GNA13: variants seen among roughly 807,000 people sequenced by gnomAD.
The protein encoded by GNA13 is G protein subunit alpha 13.
A neutral mutation model predicts 33.5 loss-of-function variants in GNA13; 4 were observed. That is an observed-to-expected ratio of 0.12 (90% CI 0.06 to 0.27). The LOEUF is 0.27. Among genes scored for constraint, GNA13 ranks in the 10% least tolerant of loss-of-function variants. The pLI, the probability that GNA13 is intolerant of heterozygous loss-of-function variation, is 1.00. For synonymous variants in GNA13, 176 were observed against 183.8 expected (o/e 0.96, Z 0.34); for missense variants, 319 against 487.2 (o/e 0.65, Z 3.25).
chr17:65,053,342 G>C, intron 2 of GNA13, 160 bp downstream of exon 2: 1 of 605,302 alleles, frequency 1.7e-6, no homozygotes, highest in Non-Finnish European at 2.9e-6. Context: ...TTAGAGACTA[G>C]GACACATTAG....
chr17:65,011,953 A>C lies in GNA13; in HGVS notation c.*2304T>G, dbSNP rs1906202679. ...AATGTGGACTGAAGCCTTTAGATTGAACTTAAAGTTCTACTGAATGTCAAA... is the reference window on the plus strand; with the variant it reads ...AATGTGGACTGAAGCCTTTAGATTGCACTTAAAGTTCTACTGAATGTCAAA... On this transcript the variant is annotated 3_prime_UTR_variant, in exon 4 of 4. Transcript: ENST00000439174. The C allele has an allele frequency of 4.4e-6, 1 of 226,258 alleles. No individual in the cohort carries two copies. Among genetic ancestry groups the C allele is most frequent in the Non-Finnish European group, 8.8e-6 (1 of 113,816 alleles). 14.0% of individuals were successfully genotyped at this position (226,258 alleles called of 1,614,324 possible).
intron 2 of GNA13, among the ~76,000 whole-genome samples, chr17:65,031,937 T>A (rs934224132): frequency 1.7e-4 from 24 of 142,748 alleles, no homozygotes; most frequent in African/African-American, 6.7e-4. Flanking sequence ...TGTGTGTGTG[T>A]GTGTGTGTGT....
intron 2 of GNA13, among the ~76,000 whole-genome samples, chr17:65,029,637 T>C (rs1160929918): frequency 6.6e-6 from 1 of 152,188 alleles, no homozygotes; most frequent in Non-Finnish European, 1.5e-5. Context: ...ATACCACTCA[T>C]GGCACTTCTT....
At chr17:65,045,306 G>A (rs1356121251) in intron 2 of GNA13, among the ~76,000 whole-genome samples, 1 of 151,986 alleles carries the variant, frequency 6.6e-6, no homozygotes, top group Non-Finnish European at 1.5e-5. Flanking sequence ...GATTACCTGA[G>A]GTCAGGAGTT....
chr17:65,042,352 C>T (rs571073778), intron 2 of GNA13, among the ~76,000 whole-genome samples: 9 of 139,452 alleles, frequency 6.5e-5, no homozygotes, highest in African/African-American at 1.1e-4. Flanking sequence ...AGTGAAACTC[C>T]GTCTCAAAAA....
chr17:65,041,630 AG>A (rs1254262606), intron 2 of GNA13, among the ~76,000 whole-genome samples: 1 of 152,174 alleles, frequency 6.6e-6, no homozygotes, highest in East Asian at 1.9e-4. Flanking sequence ...AATGACAGAA[AG>A]GGAAAGAGTA....
At chr17:65,051,194 C>T (rs79085390) in intron 2 of GNA13, among the ~76,000 whole-genome samples, 387 of 152,226 alleles carry the variant, frequency 2.5e-3, no homozygotes, top group Non-Finnish European at 4.6e-3. Flanking sequence ...GCACTGTATG[C>T]TTATTACAGA....
At chr17:65,041,565 A>G (rs1907455001) in intron 2 of GNA13, among the ~76,000 whole-genome samples, 3 of 152,306 alleles carry the variant, frequency 2.0e-5, no homozygotes, top group South Asian at 4.1e-4. Flanking sequence ...ATGAAGCTCT[A>G]ACACCCTCTT....
chr17:65,053,745 G>C lies in GNA13; in HGVS notation c.284-17C>G. 2 of 1,469,158 alleles carry C rather than the reference G, an allele frequency of 1.4e-6. No homozygotes were observed. The highest frequency in any genetic ancestry group is 1.9e-6 in the Non-Finnish European group (2 of 1,058,886). 91.0% of individuals were successfully genotyped at this position (1,469,158 alleles called of 1,614,324 possible). A position where few individuals can be genotyped will look rare whatever the true frequency, so the allele number is the denominator to read the frequency against. Reference sequence around the variant, plus strand: ...CCCTCATACCTTTGTTTAAAAAGAAGAAAAAAAATGTATGGAGAGGAGTCA... The same window carrying C: ...CCCTCATACCTTTGTTTAAAAAGAACAAAAAAAATGTATGGAGAGGAGTCA... On this transcript the variant is annotated splice_polypyrimidine_tract_variant and intron_variant, in intron 1 of 3. Transcript: ENST00000439174.
At position 65,012,398 on chromosome 17, in the gene GNA13, A is replaced by G; in HGVS notation, c.*1859T>C. 4.5e-6 allele frequency: 1 copy of G among 222,290 alleles called. No homozygotes were observed. Among genetic ancestry groups the G allele is most frequent in the Non-Finnish European group, 9.0e-6 (1 of 111,306 alleles). 13.8% of individuals were successfully genotyped at this position (222,290 alleles called of 1,614,324 possible). On this transcript the variant is annotated 3_prime_UTR_variant, in exon 4 of 4. Coordinates refer to ENST00000439174, the MANE Select transcript of GNA13 (RefSeq NM_006572.6). Reference sequence around the variant, plus strand: ...AATTATGCTAATTTTGTGAATTTAAACAATGTATTCTTTTTGGCAAGAAGC... The same window carrying G: ...AATTATGCTAATTTTGTGAATTTAAGCAATGTATTCTTTTTGGCAAGAAGC...
intron 3 of GNA13, among the ~76,000 whole-genome samples, chr17:65,015,563 TGAGGCA>T (rs1338360317): frequency 6.7e-6 from 1 of 148,700 alleles, no homozygotes; most frequent in Non-Finnish European, 1.5e-5. Context: ...CTTGGGAGGC[TGAGGCA>T]GGAGAGTGGT....
intron 2 of GNA13, among the ~76,000 whole-genome samples, chr17:65,038,437 G>A (rs751260625): frequency 6.6e-6 from 1 of 152,032 alleles, no homozygotes; most frequent in African/African-American, 2.4e-5. Flanking sequence ...TTTAGAGACA[G>A]GGTCTTGCTT....
In GNA13 at chr17:65,055,791, T is replaced by C. The variant is rs1908028998; in HGVS notation, c.283+520A>G. 1.3e-5 allele frequency: 13 copies of C among 984,808 alleles called. No homozygotes were observed. The South Asian group carries it at 4.2e-4, about 32-fold the overall frequency. 61.0% of individuals were successfully genotyped at this position (984,808 alleles called of 1,614,324 possible). Reference sequence around the variant, plus strand: ...TCCCTTATTGCGACGGTTCCAGAACTCGCTTGCTTAGGAGACGGCCAAGGA... The same window carrying C: ...TCCCTTATTGCGACGGTTCCAGAACCCGCTTGCTTAGGAGACGGCCAAGGA... On this transcript the variant is annotated intron_variant, in intron 1 of 3. Coordinates refer to ENST00000439174, the MANE Select transcript of GNA13 (RefSeq NM_006572.6).
At chr17:65,028,426 A>AAAT in intron 2 of GNA13, among the ~76,000 whole-genome samples, 1 of 151,144 alleles carries the variant, frequency 6.6e-6, no homozygotes, top group Admixed American at 6.6e-5. Flanking sequence ...AAAAAAAAAA[A>AAAT]ATACCACCTA....
intron 2 of GNA13, among the ~76,000 whole-genome samples, chr17:65,037,168 C>T (rs1286950020): frequency 6.6e-6 from 1 of 152,150 alleles, no homozygotes; most frequent in Non-Finnish European, 1.5e-5. Flanking sequence ...GATTAACAAT[C>T]TTATGAACTA....
At chr17:65,024,368 G>A (rs1906696272) in intron 2 of GNA13, among the ~76,000 whole-genome samples, 2 of 152,126 alleles carry the variant, frequency 1.3e-5, no homozygotes, top group Non-Finnish European at 2.9e-5. Flanking sequence ...AACTGACTCT[G>A]ACAAAAAAAT....
Position 65,010,168 on chromosome 17 carries a change from T to C in GNA13, c.*4089A>G, listed in dbSNP as rs561289548. 5.9e-4 allele frequency among the ~76,000 whole-genome samples: 90 copies of C among 152,328 alleles called. 1 individual carries two copies. The highest frequency in any genetic ancestry group is 2.0e-3 in the African/African-American group (85 of 41,576). ...GAATGCTACAAGAGTGAACATAACT[T>C]AAATGCTAACTACACGTTCAAGTAC... On this transcript the variant is annotated 3_prime_UTR_variant, in exon 4 of 4. Coordinates refer to ENST00000439174, the MANE Select transcript of GNA13 (RefSeq NM_006572.6).
chr17:65,018,129 A>AAAAAG, intron 3 of GNA13, 124 bp downstream of exon 3: 1 of 228,022 alleles, frequency 4.4e-6, no homozygotes, highest in Non-Finnish European at 8.8e-6. Context: ...AAAAAAAAAA[A>AAAAAG]AAAAAAAAAA....
chr17:65,028,846 A>C (rs1906898911), intron 2 of GNA13, among the ~76,000 whole-genome samples: 1 of 152,158 alleles, frequency 6.6e-6, no homozygotes, highest in Non-Finnish European at 1.5e-5. Flanking sequence ...CCTTCCAGAG[A>C]GCTACAGCCT....
Sources: gnomAD v4.1 joint callset for allele counts (sites outside exome capture counted in the v4.1 genomes callset) on GRCh38, gnomAD v4.1.1 for gene constraint, MANE v1.5 for transcripts, NCBI Gene and HGNC (gene_info 2026-07-23, HGNC 2026-07-21) for gene names.